The following COL13A1 variants were observed in gnomAD, a reference collection of about 807,000 sequenced individuals.
COL13A1 encodes the protein collagen type XIII alpha 1 chain.
Under a neutral mutation model 130.9 loss-of-function variants are expected in COL13A1, and 89 were observed. That is an observed-to-expected ratio of 0.68 (90% CI 0.57 to 0.81). The LOEUF (loss-of-function observed/expected upper bound fraction) is 0.81. Among genes scored for constraint, COL13A1 ranks in the 30% least tolerant of loss-of-function variants. COL13A1 has a pLI of 0.00. For synonymous variants in COL13A1, 402 were observed against 341.6 expected, an observed-to-expected ratio of 1.18 and a Z score of -1.95; for missense variants, 879 against 934.6, an observed-to-expected ratio of 0.94 and a Z score of 0.78.
chr10:69,885,681 C>T (rs1355619009), intron 7 of COL13A1, among the ~76,000 whole-genome samples: 2 of 152,300 alleles, frequency 1.3e-5, no homozygotes, highest in African/African-American at 4.8e-5. Flanking sequence ...TCTTGGAATC[C>T]TCTCCTCCTG....
At chr10:69,862,681 T>A (rs556077393) in intron 2 of COL13A1, among the ~76,000 whole-genome samples, 1 of 152,338 alleles carries the variant, frequency 6.6e-6, no homozygotes, top group Non-Finnish European at 1.5e-5. Flanking sequence ...ATGTGCCTCC[T>A]TCAAGCTTCG....
intron 2 of COL13A1, among the ~76,000 whole-genome samples, chr10:69,828,777 T>C (rs529382985): frequency 6.6e-6 from 1 of 152,294 alleles, no homozygotes; most frequent in African/African-American, 2.4e-5. Flanking sequence ...CGATGTACAA[T>C]CCAGGCAAAA....
chr10:69,819,232 T>C (rs552472012), intron 1 of COL13A1, among the ~76,000 whole-genome samples: 1 of 152,212 alleles, frequency 6.6e-6, no homozygotes, highest in South Asian at 2.1e-4. Flanking sequence ...GATTATACAA[T>C]GGGGCTGATT....
intron 17 of COL13A1, among the ~76,000 whole-genome samples, chr10:69,907,604 C>A (rs1149700): frequency 0.8 from 120,493 of 151,134 alleles, 49,682 homozygotes; most frequent in East Asian, 0.98. Context: ...AATAACTAAC[C>A]CACTTCCATG....
intron 27 of COL13A1, 40 bp from the exon 28 acceptor site, chr10:69,928,897 A>C: frequency 1.3e-6 from 2 of 1,539,412 alleles, no homozygotes; most frequent in Non-Finnish European, 9.0e-7. Flanking sequence ...ACCCTCCTCC[A>C]TGGGACAGTT....
At chr10:69,902,372 G>T (rs1188441639) in intron 14 of COL13A1, among the ~76,000 whole-genome samples, 1 of 152,218 alleles carries the variant, frequency 6.6e-6, no homozygotes, top group African/African-American at 2.4e-5. Context: ...CAGGGAGGGT[G>T]ACAGAGGCAG....
chr10:69,933,135 CAAAAAAAAAAAAAAAAAAAAA>C (rs34323794), intron 31 of COL13A1, among the ~76,000 whole-genome samples: 1 of 44,400 alleles, frequency 2.3e-5, no homozygotes, highest in African/African-American at 7.8e-5. Flanking sequence ...GACTCTGCCT[CAAAAAAAAAAAAAAAAAAAAA>C]AAAAAAAAAA....
chr10:69,958,733 G>A lies in COL13A1; in HGVS notation c.*32G>A, dbSNP rs370771704. ...TAACCTTGGATTGGCCTGTGTGTGTGTTTGTACATAGAATATTTATTTTTA... is the reference window on the plus strand; with the variant it reads ...TAACCTTGGATTGGCCTGTGTGTGTATTTGTACATAGAATATTTATTTTTA... On this transcript the variant is annotated 3_prime_UTR_variant, in exon 41 of 41. Transcript: ENST00000645393. 4.3e-6 allele frequency: 7 copies of A among 1,612,960 alleles called. No individual in the cohort carries two copies. The highest frequency in any genetic ancestry group is 5.9e-6 in the Non-Finnish European group (7 of 1,179,622).
chr10:69,810,347 T>TGAGAGAGAGA (rs55816117), intron 1 of COL13A1, among the ~76,000 whole-genome samples: 15 of 119,790 alleles, frequency 1.3e-4, no homozygotes, highest in East Asian at 5.1e-4. Flanking sequence ...GCCCTGAGAA[T>TGAGAGAGAGA]GAGAGAGAGA....
rs534779420 is a variant in COL13A1 at position 69,897,374 on chromosome 10, G to C, written c.685-1323G>C. 9.7e-6 allele frequency: 12 copies of C among 1,235,678 alleles called. No individual in the cohort carries two copies. In the East Asian group the frequency reaches 3.1e-4, roughly 32 times the overall value. 76.5% of individuals were successfully genotyped at this position (1,235,678 alleles called of 1,614,324 possible). A position where few individuals can be genotyped will look rare whatever the true frequency, so the allele number is the denominator to read the frequency against. On this transcript the variant is annotated intron_variant, in intron 13 of 40. Coordinates refer to ENST00000645393, the MANE Select transcript of COL13A1 (RefSeq NM_001368882.1). ...CCAGCCTGTGGCTTCCCCAGGGAGG[G>C]AGAGGAGAGGGGTGGGGAGCAGGGG...
intron 7 of COL13A1, among the ~76,000 whole-genome samples, chr10:69,880,764 C>T (rs1159547918): frequency 1.3e-5 from 2 of 152,230 alleles, no homozygotes; most frequent in African/African-American, 4.8e-5. Flanking sequence ...ATTACAGTCC[C>T]TTGGGAGGGT....
chr10:69,937,802 G>A (rs2067134554), intron 34 of COL13A1, 87 bp downstream of exon 34: 1 of 696,458 alleles, frequency 1.4e-6, no homozygotes, highest in Non-Finnish European at 2.6e-6. Flanking sequence ...GGAAAGCTAA[G>A]GTTCTAGAGT....
intron 2 of COL13A1, chr10:69,860,783 G>T: frequency 4.4e-6 from 1 of 224,944 alleles, no homozygotes; most frequent in Non-Finnish European, 9.0e-6. Context: ...TGGGACTCTG[G>T]CATCAAGGGA....
At chr10:69,887,023 T>C (rs1311237064) in intron 7 of COL13A1, among the ~76,000 whole-genome samples, 1 of 152,178 alleles carries the variant, frequency 6.6e-6, no homozygotes, top group Admixed American at 6.5e-5. Context: ...GGTTCTGATA[T>C]CCAAGCCATC....
rs1421594786 is a variant in COL13A1, at chr10:69,802,554, C to A, written c.131C>A (p.Ser44Ter). ...GGCGCACGGCTGCCGAGTCCAGGGT[C>A]GTGCGGGCTGCTGACGCTGGCCCTC... ...ERGARLPSPG[S>*]CGLLTLALCS... Residue 44 changes from serine (S) to a stop codon, truncating the protein, a stop_gained, in exon 1 of 41, where the codon TCG becomes TAG. Transcript: ENST00000645393. LOFTEE classifies it high-confidence loss of function. 1 of 1,609,244 alleles carries A rather than the reference C, an allele frequency of 6.2e-7. No individual in the cohort carries two copies. Among genetic ancestry groups the A allele is most frequent in the Non-Finnish European group, 8.5e-7 (1 of 1,178,018 alleles).
At chr10:69,809,944 T>C (rs78869021) in intron 1 of COL13A1, among the ~76,000 whole-genome samples, 13,979 of 152,174 alleles carry the variant, frequency 0.092, 873 homozygotes, top group Non-Finnish European at 0.14. Context: ...AAATCTAGGG[T>C]TCAGCCAGTG....
chr10:69,889,328 G>T, intron 9 of COL13A1, 86 bp from the exon 10 acceptor site: 2 of 1,149,784 alleles, frequency 1.7e-6, no homozygotes, highest in Non-Finnish European at 2.4e-6. Flanking sequence ...GAGGAGCACA[G>T]GGGGCAGGGA....
chr10:69,957,123 T>C, intron 40 of COL13A1, 81 bp downstream of exon 40: 1 of 1,269,038 alleles, frequency 7.9e-7, no homozygotes, highest in East Asian at 2.3e-5. Context: ...TCTGCCTTGC[T>C]ACAGATGAGG....
chr10:69,882,927 G>T (rs1358727546), intron 7 of COL13A1, among the ~76,000 whole-genome samples: 1 of 152,172 alleles, frequency 6.6e-6, no homozygotes, highest in African/African-American at 2.4e-5. Context: ...AGCAGGGACG[G>T]GGGAAGACAA....
Sources: gnomAD v4.1 joint callset for allele counts (sites outside exome capture counted in the v4.1 genomes callset) on GRCh38, gnomAD v4.1.1 for gene constraint, MANE v1.5 for transcripts, NCBI Gene and HGNC (gene_info 2026-07-23, HGNC 2026-07-21) for gene names.